TOGARAM2: variants seen among roughly 807,000 people sequenced by gnomAD.
TOGARAM2 encodes the protein TOG array regulator of axonemal microtubules 2, also known as TOG array regulator of axonemal microtubules protein 2.
In TOGARAM2, 85 loss-of-function variants were observed where a neutral mutation model predicts 93.3. The observed-to-expected ratio is 0.91, with a 90% confidence interval of 0.76 to 1.09. The LOEUF (loss-of-function observed/expected upper bound fraction) is 1.09, where lower values mean the gene tolerates loss of function less well. Ranked by LOEUF, TOGARAM2 falls within the 50% of genes least tolerant of loss-of-function variation. The probability of loss-of-function intolerance (pLI) is 0.00; values close to 1 mark genes in which losing one functional copy is unlikely to be tolerated. For synonymous variants in TOGARAM2, 593 were observed against 552.8 expected (o/e 1.07, Z -1.02); for missense variants, 1,277 against 1,334.5 (o/e 0.96, Z 0.67).
chr2:28,983,338 C>T (rs1672320772), intron 1 of TOGARAM2, among the ~76,000 whole-genome samples: 1 of 142,274 alleles, frequency 7.0e-6, no homozygotes, highest in East Asian at 2.1e-4. Flanking sequence ...AGCCACCACG[C>T]TGGGCCTATG....
At chr2:28,979,369 C>A (rs937430797), upstream of TOGARAM2, among the ~76,000 whole-genome samples, 2 of 152,226 alleles carry the variant, frequency 1.3e-5, no homozygotes, top group Non-Finnish European at 2.9e-5. Context: ...GAGGGAGGAT[C>A]TGCAGTCTTC....
At chr2:29,048,979 C>A (rs1013325979) in intron 19 of TOGARAM2, 1 of 151,774 alleles carries the variant, frequency 6.6e-6, no homozygotes, top group Non-Finnish European at 1.5e-5. Flanking sequence ...CCTCAGCCTC[C>A]CAAGTAGCTG....
chr2:28,960,757 T>C (rs1218831732), intron 1 of TOGARAM2, among the ~76,000 whole-genome samples: 1 of 152,242 alleles, frequency 6.6e-6, no homozygotes, highest in Non-Finnish European at 1.5e-5. Flanking sequence ...ATGTTCTCTG[T>C]GCTGTCCAAA....
At position 29,017,174 on chromosome 2, in the gene TOGARAM2, G is replaced by A; in HGVS notation, c.1065G>A (p.Lys355=). ...GCCAGATCCAAGTCACCATCTCCAAGTCTGCCCGGGAGAAGATGCAGCTGA... is the reference window on the plus strand; with the variant it reads ...GCCAGATCCAAGTCACCATCTCCAAATCTGCCCGGGAGAAGATGCAGCTGA... ...IGTKIQVTIS[K]SAREKMQLKQ... is the part of the protein sequence containing the mutation. Residue 355 remains lysine (K), a synonymous_variant, in exon 9 of 20, where the codon AAG becomes AAA. Coordinates refer to ENST00000379558, the MANE Select transcript of TOGARAM2 (RefSeq NM_199280.4). 1 of 1,613,788 alleles carries A rather than the reference G, an allele frequency of 6.2e-7. No individual in the cohort carries two copies. The highest frequency in any genetic ancestry group is 8.5e-7 in the Non-Finnish European group (1 of 1,179,792).
chr2:29,007,576 C>T (rs867273673), intron 6 of TOGARAM2, among the ~76,000 whole-genome samples: 1 of 152,114 alleles, frequency 6.6e-6, no homozygotes, highest in Non-Finnish European at 1.5e-5. Context: ...TAGCCAGTAT[C>T]CTTGCAGCCC....
chr2:29,048,966 C>T (rs1364507776), intron 19 of TOGARAM2: 2 of 151,232 alleles, frequency 1.3e-5, no homozygotes, highest in Non-Finnish European at 2.9e-5. Context: ...AGCAATTCTC[C>T]TTCCTCAGCC....
chr2:29,027,076 G>T, intron 14 of TOGARAM2, 65 bp downstream of exon 14: 1 of 1,439,014 alleles, frequency 6.9e-7, no homozygotes, highest in Non-Finnish European at 9.2e-7. Flanking sequence ...GAGGGGCCTG[G>T]GGCACACAGC....
chr2:29,025,854 C>T (rs1665317545), intron 13 of TOGARAM2, among the ~76,000 whole-genome samples: 1 of 152,218 alleles, frequency 6.6e-6, no homozygotes, highest in African/African-American at 2.4e-5. Context: ...GTTCAGCAAA[C>T]ATGCATTAAG....
chr2:29,033,225 C>A (rs921154506), intron 15 of TOGARAM2, among the ~76,000 whole-genome samples, 174 bp downstream of exon 15: 4 of 152,146 alleles, frequency 2.6e-5, no homozygotes, highest in African/African-American at 9.7e-5. Context: ...GTGCTCACAC[C>A]TGGTTCTAAC....
chr2:28,986,894 A>G (rs73922926), intron 1 of TOGARAM2, among the ~76,000 whole-genome samples: 286 of 152,332 alleles, frequency 1.9e-3, no homozygotes, highest in African/African-American at 6.5e-3. Context: ...GGAGATAGAT[A>G]TTATTATTTC....
intron 6 of TOGARAM2, among the ~76,000 whole-genome samples, chr2:29,005,145 G>A (rs1428911118): frequency 2.0e-4 from 2 of 10,162 alleles, no homozygotes; most frequent in African/African-American, 3.1e-4. Flanking sequence ...ATGTGTGTGA[G>A]TGCATGTTGT....
At chr2:29,005,339 GTGTGTGCA>G (rs1417957055) in intron 6 of TOGARAM2, among the ~76,000 whole-genome samples, 11 of 63,104 alleles carry the variant, frequency 1.7e-4, no homozygotes, top group Admixed American at 5.3e-4. Flanking sequence ...GTGAGACCGT[GTGTGTGCA>G]TGTGTGGAGC....
intron 14 of TOGARAM2, among the ~76,000 whole-genome samples, chr2:29,028,235 G>A (rs1665531977): frequency 6.6e-6 from 1 of 152,188 alleles, no homozygotes; most frequent in Admixed American, 6.5e-5. Flanking sequence ...GGCTCCAGAG[G>A]CCATGCCCAC....
At chr2:28,973,304 G>A (rs922348770) in intron 1 of TOGARAM2, among the ~76,000 whole-genome samples, 3 of 152,016 alleles carry the variant, frequency 2.0e-5, no homozygotes, top group Admixed American at 2.0e-4. Context: ...CTTCCTTTAT[G>A]ATTGCCTTTC....
intron 1 of TOGARAM2, among the ~76,000 whole-genome samples, chr2:28,974,077 C>G (rs1442715495): frequency 6.6e-6 from 1 of 150,742 alleles, no homozygotes; most frequent in Non-Finnish European, 1.5e-5. Flanking sequence ...TAGCTGCTTT[C>G]AAGACTTTCT....
chr2:28,959,475 C>T lies in TOGARAM2; in HGVS notation c.-147+2778C>T, dbSNP rs546507851. ...GAAAAGTTAAAAGAATAGTATAGGC[C>T]GGGTGCGGTGGCTCATGCCTGTAAT... is the stretch of plus-strand genomic sequence containing the variant. On this transcript the variant is annotated intron_variant, in intron 1 of 6. Transcript: ENST00000401723. Among the ~76,000 whole-genome samples the T allele has an allele frequency of 2.0e-4, 31 of 152,202 alleles. No homozygotes were observed. In the South Asian group the frequency reaches 3.9e-3, roughly 19 times the overall value.
chr2:29,011,811 G>T (rs569900542), intron 7 of TOGARAM2, among the ~76,000 whole-genome samples: 1 of 152,216 alleles, frequency 6.6e-6, no homozygotes, highest in Non-Finnish European at 1.5e-5. Context: ...TGACAGACGA[G>T]CTGGCACACG....
intron 6 of TOGARAM2, among the ~76,000 whole-genome samples, chr2:29,010,678 C>T (rs13001901): frequency 6.6e-5 from 10 of 151,788 alleles, no homozygotes; most frequent in African/African-American, 2.4e-4. Context: ...GAAGGGAAAG[C>T]CATGTAGGAC....
At chr2:29,002,044 C>T (rs756016680) in intron 4 of TOGARAM2, among the ~76,000 whole-genome samples, 10 of 152,042 alleles carry the variant, frequency 6.6e-5, no homozygotes, top group South Asian at 2.1e-4. Context: ...GGAAGTGTGG[C>T]GGTCTGTCTT....
Sources: allele counts gnomAD v4.1 joint callset (sites outside exome capture counted in the v4.1 genomes callset), GRCh38; gene constraint gnomAD v4.1.1; transcripts MANE v1.5; gene names NCBI Gene and HGNC (gene_info 2026-07-23, HGNC 2026-07-21).